The following CDH23 variants were observed in gnomAD, a reference collection of about 807,000 sequenced individuals.
CDH23 encodes the protein cadherin-23.
CDH23 carries 189 observed loss-of-function variants against 317.1 expected under a neutral mutation model. That is an observed-to-expected ratio of 0.60 (90% CI 0.53 to 0.67). The LOEUF (loss-of-function observed/expected upper bound fraction) is 0.67, where lower values mean the gene tolerates loss of function less well. CDH23 is among the 30% of genes least tolerant of loss of function. The pLI is 0.00. For missense variants in CDH23, 4,401 were observed against 4,592.4 expected, an observed-to-expected ratio of 0.96 and a Z score of 1.20; for synonymous variants, 1,839 against 1,876.8, an observed-to-expected ratio of 0.98 and a Z score of 0.52.
intron 44 of CDH23, among the ~76,000 whole-genome samples, chr10:71,786,623 G>A (rs1362544971): frequency 2.7e-5 from 4 of 149,648 alleles, no homozygotes; most frequent in African/African-American, 7.4e-5. Context: ...TCAGTCTCCC[G>A]AGTAGCTAGG....
intron 38 of CDH23, among the ~76,000 whole-genome samples, chr10:71,745,824 G>A (rs1159093438): frequency 6.6e-6 from 1 of 152,206 alleles, no homozygotes; most frequent in African/African-American, 2.4e-5. Context: ...CAACCACCCT[G>A]AGATTCCAGG....
rs1414125133 is a variant in CDH23, at chr10:71,809,812, T to C, written c.8723-8T>C. On this transcript the variant is annotated splice_polypyrimidine_tract_variant and splice_region_variant and intron_variant, in intron 60 of 69. Coordinates refer to ENST00000224721, the MANE Select transcript of CDH23 (RefSeq NM_022124.6). ...CTGAGCCGTACCCCGCCTTTGGGCT[T>C]CCTGCAGGGAGCATGGACGGCATTC... 6.2e-6 allele frequency: 10 copies of C among 1,608,686 alleles called. No individual in the cohort carries two copies. The highest frequency in any genetic ancestry group is 7.6e-6 in the Non-Finnish European group (9 of 1,176,726).
chr10:71,491,733 G>A (rs1461469460), intron 3 of CDH23, among the ~76,000 whole-genome samples: 3 of 152,186 alleles, frequency 2.0e-5, no homozygotes, highest in Non-Finnish European at 4.4e-5. Flanking sequence ...AGGTAAAGAG[G>A]TCTTCATAGC....
At chr10:71,690,762 C>CA (rs1347293631) in intron 20 of CDH23, among the ~76,000 whole-genome samples, 178 bp downstream of exon 20, 2 of 152,160 alleles carry the variant, frequency 1.3e-5, no homozygotes, top group African/African-American at 4.8e-5. Context: ...TGATCTTACC[C>CA]AAAAAATCAC....
chr10:71,518,414 C>T (rs1854464399), intron 6 of CDH23, among the ~76,000 whole-genome samples: 1 of 152,218 alleles, frequency 6.6e-6, no homozygotes, highest in African/African-American at 2.4e-5. Context: ...CCATCCCTGG[C>T]TGGGGTAAGC....
chr10:71,695,872 C>G (rs1045114470), intron 22 of CDH23, among the ~76,000 whole-genome samples: 1 of 152,188 alleles, frequency 6.6e-6, no homozygotes, highest in African/African-American at 2.4e-5. Flanking sequence ...AGAGCTCCCA[C>G]CCCTACACTG....
intron 14 of CDH23, among the ~76,000 whole-genome samples, chr10:71,672,587 T>G (rs1379606856): frequency 6.6e-6 from 1 of 152,196 alleles, no homozygotes; most frequent in African/African-American, 2.4e-5. Flanking sequence ...ATCCGCAGCC[T>G]GGGCAGGCAG....
chr10:71,796,124 C>G, intron 48 of CDH23: 1 of 980,018 alleles, frequency 1.0e-6, no homozygotes. Context: ...AGACAGAAGC[C>G]CAGCAGGGGG....
intron 6 of CDH23, among the ~76,000 whole-genome samples, chr10:71,513,168 T>G (rs1854089611): frequency 1.3e-5 from 2 of 152,206 alleles, no homozygotes; most frequent in Admixed American, 1.3e-4. Flanking sequence ...TGCTCGTGTG[T>G]AAACATCCCT....
intron 3 of CDH23, among the ~76,000 whole-genome samples, chr10:71,473,954 C>T (rs1040341552): frequency 6.6e-6 from 1 of 152,216 alleles, no homozygotes; most frequent in African/African-American, 2.4e-5. Flanking sequence ...GGAGAGCTGG[C>T]GCCGACGTCT....
intron 6 of CDH23, among the ~76,000 whole-genome samples, chr10:71,534,452 A>G (rs1855587580): frequency 6.6e-6 from 1 of 151,974 alleles, no homozygotes; most frequent in Non-Finnish European, 1.5e-5. Flanking sequence ...TGCTCCCCTT[A>G]CTCAAGTCAG....
At chr10:71,474,491 A>G (rs1394202748) in intron 3 of CDH23, among the ~76,000 whole-genome samples, 1 of 152,188 alleles carries the variant, frequency 6.6e-6, no homozygotes. Context: ...AGCGTTTGCC[A>G]TGTTGCCTTC....
rs759128957 is a variant in CDH23, at chr10:71,812,290, A to T, written c.9381-190A>T. ...TCTGCACCAAAGGCAATCCAGACTG[A>T]CATGCGGTCCTGGTTCCAGCAGGAT... On this transcript the variant is annotated intron_variant, in intron 66 of 69. Transcript: ENST00000224721. The T allele has an allele frequency of 5.0e-6, 8 of 1,598,920 alleles. No individual in the cohort carries two copies. The Admixed American group carries it at 1.2e-4, about 23-fold the overall frequency.
intron 6 of CDH23, among the ~76,000 whole-genome samples, chr10:71,556,533 G>A (rs1435155708): frequency 2.0e-5 from 3 of 151,768 alleles, no homozygotes; most frequent in Admixed American, 6.6e-5. Flanking sequence ...CCTGGGAGGC[G>A]GAGGTTCATG....
chr10:71,611,602 C>T (rs1280646444), intron 9 of CDH23, among the ~76,000 whole-genome samples: 1 of 152,098 alleles, frequency 6.6e-6, no homozygotes, highest in East Asian at 1.9e-4. Flanking sequence ...TCTATTATTG[C>T]CCCCCTTTTA....
intron 38 of CDH23, among the ~76,000 whole-genome samples, chr10:71,745,942 A>G (rs183439817): frequency 2.0e-5 from 3 of 152,352 alleles, no homozygotes; most frequent in Admixed American, 6.5e-5. Flanking sequence ...CACTGCAGTT[A>G]TCTGCCTGGC....
At chr10:71,653,353 C>T (rs1359646562) in intron 14 of CDH23, among the ~76,000 whole-genome samples, 1 of 152,242 alleles carries the variant, frequency 6.6e-6, no homozygotes, top group African/African-American at 2.4e-5. Flanking sequence ...GTTCCACCAG[C>T]TGTAAGGCCA....
At chr10:71,619,050 T>G (rs923335615) in intron 11 of CDH23, among the ~76,000 whole-genome samples, 4 of 152,158 alleles carry the variant, frequency 2.6e-5, no homozygotes, top group Non-Finnish European at 5.9e-5. Context: ...AAACATATTT[T>G]TAAGCCGGGC....
At chr10:71,490,939 C>A (rs900433765) in intron 3 of CDH23, among the ~76,000 whole-genome samples, 5 of 152,042 alleles carry the variant, frequency 3.3e-5, no homozygotes, top group African/African-American at 1.2e-4. Flanking sequence ...ACCCTCCCAA[C>A]TGCTGTATTA....
Sources: allele counts gnomAD v4.1 joint callset (sites outside exome capture counted in the v4.1 genomes callset), GRCh38; gene constraint gnomAD v4.1.1; transcripts MANE v1.5; gene names NCBI Gene and HGNC (gene_info 2026-07-23, HGNC 2026-07-21).